CCDC148: variants seen among roughly 807,000 people sequenced by gnomAD.
CCDC148 encodes the protein coiled-coil domain containing 148.
In CCDC148, 89 loss-of-function variants were observed where a neutral mutation model predicts 85.7. The ratio of observed to expected loss-of-function variants is 1.04; its 90% CI spans 0.87 to 1.24. The LOEUF (loss-of-function observed/expected upper bound fraction) is 1.24. CCDC148 is among the 50% of genes most tolerant of loss of function. The pLI is 0.00. For missense variants in CCDC148, 692 were observed against 671.7 expected (o/e 1.03, Z -0.33); for synonymous variants, 230 against 213.9 (o/e 1.08, Z -0.66).
chr2:158,292,867 T>C (rs770155894), intron 9 of CCDC148, among the ~76,000 whole-genome samples: 1 of 152,190 alleles, frequency 6.6e-6, no homozygotes, highest in Non-Finnish European at 1.5e-5. Flanking sequence ...AAGTAAATTA[T>C]CAGAGAACAT....
At chr2:158,267,462 T>C (rs1689517860) in intron 9 of CCDC148, among the ~76,000 whole-genome samples, 1 of 152,216 alleles carries the variant, frequency 6.6e-6, no homozygotes, top group Admixed American at 6.5e-5. Context: ...ATTGAAAATT[T>C]TATTTTACAG....
intron 1 of CCDC148, among the ~76,000 whole-genome samples, chr2:158,399,083 T>C (rs549444086): frequency 1.3e-5 from 2 of 152,266 alleles, no homozygotes; most frequent in African/African-American, 4.8e-5. Flanking sequence ...CTGGAAGAAG[T>C]TGAATCTCTG....
chr2:158,330,415 T>A (rs995596343), intron 7 of CCDC148, among the ~76,000 whole-genome samples: 1 of 152,186 alleles, frequency 6.6e-6, no homozygotes, highest in Non-Finnish European at 1.5e-5. Context: ...TTTGCCAGCA[T>A]TTTACTGAGG....
intron 1 of CCDC148, among the ~76,000 whole-genome samples, chr2:158,390,375 T>A (rs1685254642): frequency 6.6e-6 from 1 of 152,082 alleles, no homozygotes; most frequent in African/African-American, 2.4e-5. Flanking sequence ...TGAGAAAGAC[T>A]GGGCCAAGAG....
At position 158,216,548 on chromosome 2, in the gene CCDC148, C is replaced by T. The variant is rs939780720; in HGVS notation, c.1370+4047G>A. Among the ~76,000 whole-genome samples the T allele has an allele frequency of 5.3e-5, 8 of 151,802 alleles. No individual in the cohort carries two copies. The East Asian group carries it at 1.6e-3, about 29-fold the overall frequency. On this transcript the variant is annotated intron_variant, in intron 11 of 13. Transcript: ENST00000283233. ...AGTAGCTGGGATTACAGGTGCGTGC[C>T]ACCATGCCTGGCTAAAAAAGCACAA...
chr2:158,295,272 C>G (rs921421286), intron 9 of CCDC148, among the ~76,000 whole-genome samples: 2 of 152,038 alleles, frequency 1.3e-5, no homozygotes, highest in African/African-American at 4.8e-5. Flanking sequence ...CAGATGGATT[C>G]ACAGCCGAAT....
chr2:158,274,040 T>C (rs1173685997), intron 9 of CCDC148, among the ~76,000 whole-genome samples: 1 of 152,122 alleles, frequency 6.6e-6, no homozygotes, highest in East Asian at 1.9e-4. Flanking sequence ...CTCCAACATA[T>C]AGATGACCCC....
intron 10 of CCDC148, among the ~76,000 whole-genome samples, chr2:158,240,096 C>G (rs935392229): frequency 7.3e-5 from 11 of 151,344 alleles, no homozygotes; most frequent in Non-Finnish European, 1.3e-4. Context: ...CTACTGGCAG[C>G]AAGTTCTTTT....
chr2:158,286,948 A>C (rs1690656622), intron 9 of CCDC148, among the ~76,000 whole-genome samples: 1 of 152,190 alleles, frequency 6.6e-6, no homozygotes, highest in Non-Finnish European at 1.5e-5. Context: ...AGGTATACCC[A>C]AGACTGGGAA....
chr2:158,352,783 C>CATAATTGT (rs1683390891), intron 2 of CCDC148, among the ~76,000 whole-genome samples: 2 of 151,644 alleles, frequency 1.3e-5, no homozygotes, highest in South Asian at 4.2e-4. Flanking sequence ...GTCAGATTCA[C>CATAATTGT]CAAAGTTGAA....
intron 1 of CCDC148, among the ~76,000 whole-genome samples, chr2:158,371,405 CTG>C (rs1684435126): frequency 6.6e-6 from 1 of 151,916 alleles, no homozygotes; most frequent in African/African-American, 2.4e-5. Context: ...AAGTAATAAA[CTG>C]TATAGAAAAT....
intron 1 of CCDC148, among the ~76,000 whole-genome samples, chr2:158,421,329 T>C (rs1235122495): frequency 1.3e-5 from 2 of 152,182 alleles, no homozygotes; most frequent in Non-Finnish European, 2.9e-5. Flanking sequence ...ATTGACCACA[T>C]TGTTGGAAGT....
chr2:158,201,908 TATTCTC>T (rs1685984301), intron 11 of CCDC148, among the ~76,000 whole-genome samples: 1 of 152,184 alleles, frequency 6.6e-6, no homozygotes, highest in South Asian at 2.1e-4. Flanking sequence ...TAATTGTCCT[TATTCTC>T]AGTTAATTCA....
rs570045791 is a variant in CCDC148, at chr2:158,196,474, C to T, written c.1371-17478G>A. 2.6e-4 allele frequency among the ~76,000 whole-genome samples: 40 copies of T among 152,202 alleles called. No homozygotes were observed. In the East Asian group the frequency reaches 3.3e-3, roughly 13 times the overall value. On this transcript the variant is annotated intron_variant, in intron 11 of 13. Coordinates refer to ENST00000283233, the MANE Select transcript of CCDC148 (RefSeq NM_138803.4). ...AGCCAGTTGTTAAATATGTCCAGTGCATTATTTGCTGTGAATCCAGCCCAT... is the reference window on the plus strand; with the variant it reads ...AGCCAGTTGTTAAATATGTCCAGTGTATTATTTGCTGTGAATCCAGCCCAT...
At chr2:158,301,144 C>A (rs1356271341) in intron 9 of CCDC148, among the ~76,000 whole-genome samples, 1 of 152,152 alleles carries the variant, frequency 6.6e-6, no homozygotes, top group Non-Finnish European at 1.5e-5. Context: ...CATATATGAG[C>A]CACTGTGCCT....
chr2:158,380,146 T>C (rs13384560), intron 1 of CCDC148, among the ~76,000 whole-genome samples: 8,288 of 152,132 alleles, frequency 0.054, 429 homozygotes, highest in African/African-American at 0.13. Flanking sequence ...TAGAGATTTA[T>C]CCCAAGAAAA....
At chr2:158,244,108 T>C (rs1187548786) in intron 10 of CCDC148, among the ~76,000 whole-genome samples, 1 of 152,150 alleles carries the variant, frequency 6.6e-6, no homozygotes, top group Non-Finnish European at 1.5e-5. Context: ...TAACAGTTGA[T>C]TCAAGGTATT....
At chr2:158,439,177 G>A (rs1687815374) in intron 1 of CCDC148, among the ~76,000 whole-genome samples, 1 of 152,160 alleles carries the variant, frequency 6.6e-6, no homozygotes, top group Non-Finnish European at 1.5e-5. Context: ...ACATGCACGT[G>A]TATGTTTATT....
At chr2:158,333,939 T>C (rs1693286189) in intron 7 of CCDC148, among the ~76,000 whole-genome samples, 1 of 152,118 alleles carries the variant, frequency 6.6e-6, no homozygotes, top group Non-Finnish European at 1.5e-5. Flanking sequence ...AAGTTTACAA[T>C]CAGCTAGCCA....
Sources: gnomAD v4.1 joint callset for allele counts (sites outside exome capture counted in the v4.1 genomes callset) on GRCh38, gnomAD v4.1.1 for gene constraint, MANE v1.5 for transcripts, NCBI Gene and HGNC (gene_info 2026-07-23, HGNC 2026-07-21) for gene names.